ZNF704: variants seen among roughly 807,000 people sequenced by gnomAD.
The protein encoded by ZNF704 is zinc finger protein 704, also known as glucocorticoid induced gene 1.
A neutral mutation model predicts 44.7 loss-of-function variants in ZNF704; 10 were observed. The observed-to-expected ratio is 0.22, with a 90% confidence interval of 0.14 to 0.38. The LOEUF (loss-of-function observed/expected upper bound fraction) is 0.38. Among genes scored for constraint, ZNF704 ranks in the 10% least tolerant of loss-of-function variants. ZNF704 has a pLI of 1.00. For missense variants in ZNF704, 390 were observed against 545.5 expected, an observed-to-expected ratio of 0.71 and a Z score of 2.84; for synonymous variants, 211 against 207.6, an observed-to-expected ratio of 1.02 and a Z score of -0.14.
At chr8:80,717,128 T>C (rs1474786670) in intron 2 of ZNF704, among the ~76,000 whole-genome samples, 1 of 152,208 alleles carries the variant, frequency 6.6e-6, no homozygotes, top group Non-Finnish European at 1.5e-5. Context: ...AAGTAGAAAA[T>C]ACATGTGTGA....
chr8:80,782,588 G>T (rs568427786), intron 2 of ZNF704, among the ~76,000 whole-genome samples: 1 of 152,138 alleles, frequency 6.6e-6, no homozygotes. Flanking sequence ...TAGGCACTAG[G>T]TTTTAAAAGG....
chr8:80,871,598 C>A (rs978262790), intron 1 of ZNF704, among the ~76,000 whole-genome samples: 3 of 152,186 alleles, frequency 2.0e-5, no homozygotes, highest in African/African-American at 7.2e-5. Context: ...TGCTATGATG[C>A]CTCTCACTAG....
chr8:80,789,686 A>G (rs2129741589), intron 2 of ZNF704, among the ~76,000 whole-genome samples: 1 of 152,254 alleles, frequency 6.6e-6, no homozygotes, highest in South Asian at 2.1e-4. Flanking sequence ...AGGCTGCAGT[A>G]AGCTATGATG....
intron 1 of ZNF704, among the ~76,000 whole-genome samples, chr8:80,836,232 C>T (rs1307962085): frequency 6.6e-6 from 1 of 152,192 alleles, no homozygotes; most frequent in Non-Finnish European, 1.5e-5. Context: ...CCTCTCTTCA[C>T]TCTCACAGCT....
rs147613337 is a variant in ZNF704, at chr8:80,643,870, G to A, written c.1033-741C>T. On this transcript the variant is annotated intron_variant, in intron 7 of 8. Coordinates refer to ENST00000327835, the MANE Select transcript of ZNF704 (RefSeq NM_001033723.3). ...GGTTAAGAGATTTATTTAACATTAC[G>A]TAGCTAGTAAGCGACAATGACACAG... Among the ~76,000 whole-genome samples, 107 of 152,110 alleles carry A rather than the reference G, an allele frequency of 7.0e-4. 3 individuals are homozygous for A. Among genetic ancestry groups the A allele is most frequent in the East Asian group, 1.5e-3 (8 of 5,182 alleles).
intron 1 of ZNF704, among the ~76,000 whole-genome samples, chr8:80,856,653 T>A (rs552956299): frequency 6.6e-6 from 1 of 152,302 alleles, no homozygotes; most frequent in East Asian, 1.9e-4. Context: ...ACTTCTTTGG[T>A]GCCTTTGTCA....
intron 4 of ZNF704, among the ~76,000 whole-genome samples, chr8:80,680,705 T>A (rs1251773699): frequency 6.6e-6 from 1 of 152,216 alleles, no homozygotes; most frequent in Non-Finnish European, 1.5e-5. Flanking sequence ...CTATGTTACC[T>A]CATGCTACCT....
In ZNF704 at chr8:80,637,477, G is replaced by C. The variant is rs1055137116; in HGVS notation, c.*3889C>G. ...GGATTCAGCAGTGCCAACTAATTCA[G>C]AACCCAGGGCTGCTTTCAAAAGTGT... is the stretch of plus-strand genomic sequence containing the variant. On this transcript the variant is annotated 3_prime_UTR_variant, in exon 9 of 9. Coordinates refer to ENST00000327835, the MANE Select transcript of ZNF704 (RefSeq NM_001033723.3). 6 of 152,266 alleles carry C rather than the reference G, an allele frequency of 3.9e-5. No homozygotes were observed. The highest frequency in any genetic ancestry group is 1.4e-4 in the African/African-American group (6 of 41,548). 9.4% of individuals were successfully genotyped at this position (152,266 alleles called of 1,614,324 possible). A position where few individuals can be genotyped will look rare whatever the true frequency, so the allele number is the denominator to read the frequency against.
intron 5 of ZNF704, among the ~76,000 whole-genome samples, chr8:80,668,886 C>G (rs546877540): frequency 6.6e-6 from 1 of 152,270 alleles, no homozygotes; most frequent in African/African-American, 2.4e-5. Context: ...AGCACAGGCC[C>G]CGGGCTTCAT....
chr8:80,741,564 T>C (rs1246193962), intron 2 of ZNF704, among the ~76,000 whole-genome samples: 1 of 152,218 alleles, frequency 6.6e-6, no homozygotes, highest in Non-Finnish European at 1.5e-5. Context: ...GCATACTCAC[T>C]GCTAAAGGAG....
the ZNF704 span, among the ~76,000 whole-genome samples, chr8:80,882,587 A>G: frequency 3.3e-5 from 5 of 152,194 alleles, no homozygotes; most frequent in Non-Finnish European, 7.3e-5. Context: ...TTAGATTTAC[A>G]TATGGGCCTT....
At chr8:80,864,181 T>C (rs980547869) in intron 1 of ZNF704, among the ~76,000 whole-genome samples, 1 of 152,336 alleles carries the variant, frequency 6.6e-6, no homozygotes, top group Middle Eastern at 3.4e-3. Context: ...TCAAAGCTTA[T>C]ATGACCCACT....
At chr8:80,687,519 G>A in intron 3 of ZNF704, 61 bp from the exon 4 acceptor site, 2 of 1,289,598 alleles carry the variant, frequency 1.6e-6, no homozygotes, top group South Asian at 3.0e-5. Flanking sequence ...TGGTTCAGTG[G>A]GGAAATGGGA....
chr8:80,718,318 G>A (rs1206129150), intron 2 of ZNF704, among the ~76,000 whole-genome samples: 1 of 152,030 alleles, frequency 6.6e-6, no homozygotes, highest in Admixed American at 6.6e-5. Context: ...CTAATGCTTT[G>A]AACTTTTATT....
intron 4 of ZNF704, among the ~76,000 whole-genome samples, chr8:80,670,921 G>A (rs1818268525): frequency 6.6e-6 from 1 of 152,186 alleles, no homozygotes; most frequent in African/African-American, 2.4e-5. Context: ...GCCAGGTGCT[G>A]TCTTAAGTGT....
intron 1 of ZNF704, among the ~76,000 whole-genome samples, chr8:80,853,188 C>T (rs1039249460): frequency 1.1e-4 from 16 of 152,208 alleles, no homozygotes; most frequent in Middle Eastern, 3.4e-3. Flanking sequence ...CAACACAGAA[C>T]GACTCCCTCT....
At chr8:80,663,262 T>A (rs1248773914) in intron 6 of ZNF704, among the ~76,000 whole-genome samples, 2 of 151,318 alleles carry the variant, frequency 1.3e-5, no homozygotes, top group Non-Finnish European at 2.9e-5. Flanking sequence ...ACACCTGTAG[T>A]CCCAGCTGCT....
At chr8:80,702,087 C>G (rs1818819148) in intron 2 of ZNF704, among the ~76,000 whole-genome samples, 1 of 152,124 alleles carries the variant, frequency 6.6e-6, no homozygotes, top group East Asian at 1.9e-4. Flanking sequence ...TGGACAAGGT[C>G]TTTACTGGGG....
At chr8:80,820,173 C>T (rs1808245231) in intron 2 of ZNF704, among the ~76,000 whole-genome samples, 1 of 152,134 alleles carries the variant, frequency 6.6e-6, no homozygotes, top group Admixed American at 6.5e-5. Flanking sequence ...GTCCCCAGAA[C>T]ATAATTAAGC....
Sources: allele counts gnomAD v4.1 joint callset (sites outside exome capture counted in the v4.1 genomes callset), GRCh38; gene constraint gnomAD v4.1.1; transcripts MANE v1.5; gene names NCBI Gene and HGNC (gene_info 2026-07-23, HGNC 2026-07-21).